The following SRGAP2C variants were observed in gnomAD, a reference collection of about 807,000 sequenced individuals.
SRGAP2C encodes SLIT-ROBO Rho GTPase activating protein 2C.
Under a neutral mutation model 25.1 loss-of-function variants are expected in SRGAP2C, and 15 were observed. The observed-to-expected ratio is 0.60, with a 90% CI of 0.40 to 0.92. SRGAP2C has a LOEUF of 0.92. Ranked by LOEUF, SRGAP2C falls within the 40% of genes least tolerant of loss-of-function variation. SRGAP2C has a pLI of 0.00. For missense variants in SRGAP2C, 144 were observed against 264.4 expected (o/e 0.54, Z 3.16); for synonymous variants, 44 against 96.6 (o/e 0.46, Z 3.19).
At chr1:121,249,569 TATATATATATA>T (rs1236732081) in intron 2 of SRGAP2C, among the ~76,000 whole-genome samples, 121 of 30,342 alleles carry the variant, frequency 4.0e-3, no homozygotes, top group Admixed American at 6.8e-3. Flanking sequence ...TATATATATA[TATATATATATA>T]TTTTTTTTTT....
intron 4 of SRGAP2C, among the ~76,000 whole-genome samples, chr1:121,339,366 C>T: frequency 6.6e-6 from 1 of 151,594 alleles, no homozygotes. Context: ...ATTCTCGTGC[C>T]TCAGCCTCCC....
intron 7 of SRGAP2C, among the ~76,000 whole-genome samples, chr1:121,377,263 C>CTTTTTT (rs57457251): frequency 3.0e-4 from 15 of 50,428 alleles, no homozygotes; most frequent in South Asian, 6.8e-4. Flanking sequence ...TCTCATGTTT[C>CTTTTTT]TTTTTTTTTT....
chr1:121,383,243 T>C (rs1659875208), intron 8 of SRGAP2C, among the ~76,000 whole-genome samples: 1 of 143,016 alleles, frequency 7.0e-6, no homozygotes, highest in Admixed American at 7.1e-5. Flanking sequence ...TCAAAGAAGG[T>C]GAAAAACAGC....
chr1:121,367,943 G>T (rs1184487527), intron 5 of SRGAP2C, among the ~76,000 whole-genome samples: 2 of 115,192 alleles, frequency 1.7e-5, no homozygotes, highest in Non-Finnish European at 3.5e-5. Context: ...GGGCATGGTG[G>T]CGGGTGCCTG....
intron 2 of SRGAP2C, among the ~76,000 whole-genome samples, chr1:121,223,345 A>G: frequency 1.0e-5 from 1 of 98,588 alleles, no homozygotes; most frequent in Non-Finnish European, 2.0e-5. Context: ...TAATGCTGGG[A>G]GGAGTTTGTG....
intron 3 of SRGAP2C, among the ~76,000 whole-genome samples, chr1:121,285,404 T>TCACACACACACA (rs1343653361): frequency 7.4e-4 from 92 of 124,324 alleles, no homozygotes; most frequent in East Asian, 1.4e-3. Flanking sequence ...TCTCTCTCTC[T>TCACACACACACA]CACACACACA....
intron 2 of SRGAP2C, among the ~76,000 whole-genome samples, chr1:121,267,431 A>T (rs1466834042): frequency 2.0e-5 from 3 of 149,592 alleles, no homozygotes; most frequent in Non-Finnish European, 4.5e-5. Flanking sequence ...GCCTCAAGTG[A>T]TCTGCCTGCC....
intron 3 of SRGAP2C, among the ~76,000 whole-genome samples, chr1:121,305,556 CA>C (rs1184013875): frequency 3.2e-5 from 1 of 30,920 alleles, no homozygotes; most frequent in Non-Finnish European, 6.5e-5. Context: ...TCCTCTGCCC[CA>C]TTTAACCCTC....
At position 121,389,207 on chromosome 1, in the gene SRGAP2C, CTCAT is replaced by C. The variant is rs1553357097; in HGVS notation, c.*1358_*1361del. 6.6e-6 allele frequency: 1 copy of C among 151,916 alleles called. No individual in the cohort carries two copies. Among genetic ancestry groups the C allele is most frequent in the East Asian group, 1.9e-4 (1 of 5,172 alleles). 9.4% of individuals were successfully genotyped at this position (151,916 alleles called of 1,614,324 possible). A position where few individuals can be genotyped will look rare whatever the true frequency, so the allele number is the denominator to read the frequency against. On this transcript the variant is annotated 3_prime_UTR_variant, in exon 10 of 10. Transcript: ENST00000367123. ...AAAAAATAACAGAATGGCATTTTAG[CTCAT>C]TCATTGATTTTTATAAAATATTTAA...
chr1:121,212,123 ATTTTTTTTT>A (rs60785126), intron 2 of SRGAP2C, among the ~76,000 whole-genome samples: 2 of 61,974 alleles, frequency 3.2e-5, no homozygotes, highest in African/African-American at 1.7e-4. Context: ...ATGGAGCTGT[ATTTTTTTTT>A]TTTTTTTTTT....
At chr1:121,235,003 C>G (rs1383070591) in intron 2 of SRGAP2C, among the ~76,000 whole-genome samples, 1 of 150,270 alleles carries the variant, frequency 6.7e-6, no homozygotes, top group Non-Finnish European at 1.5e-5. Context: ...CTCTCTCTCT[C>G]TTTCTTTCTC....
chr1:121,272,208 A>G (rs1266554706), intron 2 of SRGAP2C, among the ~76,000 whole-genome samples: 3 of 129,472 alleles, frequency 2.3e-5, no homozygotes, highest in African/African-American at 8.8e-5. Flanking sequence ...TGCTTACAGT[A>G]TAATGTACCA....
At chr1:121,323,639 AG>A in intron 3 of SRGAP2C, among the ~76,000 whole-genome samples, 1 of 134,156 alleles carries the variant, frequency 7.5e-6, no homozygotes, top group Non-Finnish European at 1.6e-5. Flanking sequence ...AAAAAAAAAA[AG>A]GGAATGAGCA....
intron 4 of SRGAP2C, among the ~76,000 whole-genome samples, chr1:121,347,644 C>T (rs1658780812): frequency 1.3e-5 from 2 of 152,206 alleles, no homozygotes; most frequent in East Asian, 3.9e-4. Context: ...AGGAGGAATG[C>T]AGAACTGACG....
chr1:121,336,009 A>AAACCAT (rs1658507632), intron 4 of SRGAP2C, among the ~76,000 whole-genome samples: 1 of 150,690 alleles, frequency 6.6e-6, no homozygotes, highest in Non-Finnish European at 1.5e-5. Context: ...TACAGTGGGT[A>AAACCAT]TATTTTGGTT....
intron 2 of SRGAP2C, among the ~76,000 whole-genome samples, chr1:121,208,465 T>C (rs1383506726): frequency 6.6e-6 from 1 of 151,940 alleles, no homozygotes; most frequent in African/African-American, 2.4e-5. Context: ...TGATTAATAA[T>C]GGAGATTTGG....
intron 2 of SRGAP2C, among the ~76,000 whole-genome samples, chr1:121,208,339 G>T: frequency 6.6e-6 from 1 of 151,860 alleles, no homozygotes; most frequent in Middle Eastern, 3.4e-3. Context: ...CCAAGTTCAG[G>T]TTGCCCTTAC....
At chr1:121,289,214 C>T (rs1330042394) in intron 3 of SRGAP2C, among the ~76,000 whole-genome samples, 17 of 150,130 alleles carry the variant, frequency 1.1e-4, no homozygotes, top group African/African-American at 3.9e-4. Context: ...GTGGGAGGCT[C>T]AGACATGGCG....
At chr1:121,196,866 A>G (rs1285329039) in intron 2 of SRGAP2C, among the ~76,000 whole-genome samples, 25 of 142,210 alleles carry the variant, frequency 1.8e-4, no homozygotes, top group Non-Finnish European at 3.4e-4. Context: ...CCTAACTACT[A>G]CAAATAATCT....
Sources: allele counts gnomAD v4.1 joint callset (sites outside exome capture counted in the v4.1 genomes callset), GRCh38; gene constraint gnomAD v4.1.1; transcripts MANE v1.5; gene names NCBI Gene and HGNC (gene_info 2026-07-23, HGNC 2026-07-21).